The following SPATA16 variants were observed in gnomAD, a reference collection of about 807,000 sequenced individuals.
SPATA16 encodes the protein spermatogenesis-associated protein 16.
Under a neutral mutation model 63.3 loss-of-function variants are expected in SPATA16, and 36 were observed. The observed-to-expected ratio is 0.57, with a 90% confidence interval of 0.44 to 0.75. SPATA16 has a LOEUF of 0.75. Among genes scored for constraint, SPATA16 ranks in the 30% least tolerant of loss-of-function variants. The pLI, the probability that SPATA16 is intolerant of heterozygous loss-of-function variation, is 0.00. For synonymous variants in SPATA16, 203 were observed against 216.7 expected (o/e 0.94, Z 0.56); for missense variants, 646 against 679.3 (o/e 0.95, Z 0.54).
intron 10 of SPATA16, among the ~76,000 whole-genome samples, chr3:172,913,012 G>C (rs2109561222): frequency 6.6e-6 from 1 of 152,310 alleles, no homozygotes; most frequent in Non-Finnish European, 1.5e-5. Flanking sequence ...GGTTCTTACA[G>C]TGATGGGAGG....
chr3:173,132,383 G>C lies in SPATA16; in HGVS notation c.-19+8720C>G, dbSNP rs528559355. On this transcript the variant is annotated intron_variant, in intron 1 of 10. Coordinates refer to ENST00000351008, the MANE Select transcript of SPATA16 (RefSeq NM_031955.6). ...GTTGGATCCCTAGAAGGAACACAGA[G>C]AATGAAGCAAAAGCAAAAGAGAATT... Among the ~76,000 whole-genome samples the C allele has an allele frequency of 1.4e-4, 21 of 152,226 alleles. No individual in the cohort carries two copies. In the South Asian group the frequency reaches 3.5e-3, roughly 26 times the overall value.
rs545166650 is a variant in SPATA16, at chr3:172,929,838, G to C, written c.1082-4346C>G. Among the ~76,000 whole-genome samples the C allele has an allele frequency of 3.0e-3, 464 of 152,210 alleles. 4 individuals are homozygous for C. Among genetic ancestry groups the C allele is most frequent in the African/African-American group, 0.011 (445 of 41,538 alleles). On this transcript the variant is annotated intron_variant, in intron 6 of 10. Transcript: ENST00000351008. ...ATCACTCCAAAAGTTAGTTAAAATA[G>C]AGCAAATATGTTCCTCAAAAGTGAT...
intron 4 of SPATA16, among the ~76,000 whole-genome samples, chr3:172,999,647 C>T (rs568501781): frequency 6.6e-6 from 1 of 152,286 alleles, no homozygotes; most frequent in Non-Finnish European, 1.5e-5. Flanking sequence ...CTCCTGACCT[C>T]AGTTGATCCG....
At chr3:173,034,291 T>G (rs1373291511) in intron 3 of SPATA16, among the ~76,000 whole-genome samples, 1 of 152,150 alleles carries the variant, frequency 6.6e-6, no homozygotes, top group Non-Finnish European at 1.5e-5. Context: ...TGAACTGAAA[T>G]ATAGTATACT....
intron 4 of SPATA16, among the ~76,000 whole-genome samples, chr3:173,007,964 A>G (rs1004008155): frequency 6.6e-6 from 1 of 152,192 alleles, no homozygotes; most frequent in Non-Finnish European, 1.5e-5. Flanking sequence ...AATATATTCA[A>G]CTGATATGAA....
intron 2 of SPATA16, among the ~76,000 whole-genome samples, chr3:173,067,266 A>G (rs1341157913): frequency 6.6e-6 from 1 of 152,224 alleles, no homozygotes; most frequent in Non-Finnish European, 1.5e-5. Context: ...GGAATACTAC[A>G]TAACCATAAA....
intron 5 of SPATA16, 104 bp downstream of exon 5, chr3:172,976,864 T>C (rs948898000): frequency 1.1e-6 from 1 of 875,258 alleles, no homozygotes; most frequent in African/African-American, 1.6e-5. Context: ...CTGATTGATA[T>C]GCCCAGAGCT....
rs145136670 is a variant in SPATA16, at chr3:172,891,694, G to T, written c.1588-2002C>A. Among the ~76,000 whole-genome samples, 16 of 152,216 alleles carry T rather than the reference G, an allele frequency of 1.1e-4. No individual in the cohort carries two copies. The East Asian group carries it at 3.1e-3, about 29-fold the overall frequency. ...ACATCAATCCATCTGCTTTAGCCAT[G>T]TGGGACATCTCTCAATTATCTGAGC... is the stretch of plus-strand genomic sequence containing the variant. On this transcript the variant is annotated intron_variant, in intron 10 of 10. Transcript: ENST00000351008.
chr3:173,108,715 G>A (rs2108330347), intron 2 of SPATA16, among the ~76,000 whole-genome samples: 1 of 152,274 alleles, frequency 6.6e-6, no homozygotes, highest in East Asian at 1.9e-4. Context: ...TTATAATGGA[G>A]CAGCCCTATA....
At chr3:172,899,821 C>T (rs568448034) in intron 10 of SPATA16, among the ~76,000 whole-genome samples, 8 of 151,930 alleles carry the variant, frequency 5.3e-5, no homozygotes, top group African/African-American at 7.2e-5. Flanking sequence ...TGTGTGTGTA[C>T]GTAAAATATG....
intron 1 of SPATA16, among the ~76,000 whole-genome samples, chr3:173,128,006 T>G (rs772431902): frequency 1.4e-4 from 21 of 152,296 alleles, no homozygotes; most frequent in Non-Finnish European, 2.5e-4. Context: ...CTAGTCACCA[T>G]CAAAGTACAA....
At chr3:173,061,488 T>C (rs1371864990) in intron 2 of SPATA16, among the ~76,000 whole-genome samples, 1 of 152,246 alleles carries the variant, frequency 6.6e-6, no homozygotes, top group East Asian at 1.9e-4. Flanking sequence ...TGGGTTAATG[T>C]ATATGGAGGG....
chr3:172,961,673 C>T (rs974685666), intron 5 of SPATA16, among the ~76,000 whole-genome samples: 17 of 152,122 alleles, frequency 1.1e-4, no homozygotes, highest in Admixed American at 7.9e-4. Flanking sequence ...GGATTACAGG[C>T]GTGAGCCACC....
In SPATA16 at chr3:172,916,406, T is replaced by C. The variant is rs1379282489; in HGVS notation, c.1414A>G (p.Lys472Glu). 3 of 1,613,878 alleles carry C rather than the reference T, an allele frequency of 1.9e-6. No homozygotes were observed. The highest frequency in any genetic ancestry group is 2.5e-6 in the Non-Finnish European group (3 of 1,179,828). ...TGATTAATCACCTGGGACTGCTCCT[T>C]TACTCTCTGCAGCTGGCTGAGGAGG... ...ASLLSQLQRV[K>E]EQSQVINQAM... Residue 472 changes from lysine (K) to glutamate (E), a missense_variant, in exon 9 of 11, where the codon AAG becomes GAG. Transcript: ENST00000351008.
chr3:173,032,859 T>A (rs1239050779), intron 3 of SPATA16, among the ~76,000 whole-genome samples: 1 of 152,130 alleles, frequency 6.6e-6, no homozygotes, highest in African/African-American at 2.4e-5. Flanking sequence ...TGGCACATAA[T>A]AGGCAGTCAA....
At chr3:173,108,905 G>A (rs776788161) in intron 2 of SPATA16, among the ~76,000 whole-genome samples, 20 of 152,064 alleles carry the variant, frequency 1.3e-4, no homozygotes, top group Non-Finnish European at 2.6e-4. Context: ...TGCCATCTAC[G>A]CTAGTGTAAG....
intron 4 of SPATA16, among the ~76,000 whole-genome samples, chr3:173,006,532 T>G (rs530345142): frequency 6.6e-6 from 1 of 152,342 alleles, no homozygotes; most frequent in African/African-American, 2.4e-5. Context: ...TAAGTTAAAC[T>G]CTCAACACTA....
chr3:172,916,925 C>T (rs1270423051), intron 8 of SPATA16, among the ~76,000 whole-genome samples: 1 of 152,200 alleles, frequency 6.6e-6, no homozygotes, highest in Non-Finnish European at 1.5e-5. Flanking sequence ...TCTTGACAAA[C>T]GTTGTATAAG....
chr3:172,939,211 G>C (rs988190670), intron 6 of SPATA16, among the ~76,000 whole-genome samples: 2 of 152,080 alleles, frequency 1.3e-5, no homozygotes, highest in African/African-American at 4.8e-5. Flanking sequence ...GGGGAGTTTG[G>C]AACTTACGCG....
Sources: allele counts gnomAD v4.1 joint callset (sites outside exome capture counted in the v4.1 genomes callset), GRCh38; gene constraint gnomAD v4.1.1; transcripts MANE v1.5; gene names NCBI Gene and HGNC (gene_info 2026-07-23, HGNC 2026-07-21).